The following UGT1A10 variants were observed in gnomAD, a reference collection of about 807,000 sequenced individuals.
UGT1A10 encodes the protein UDP-glucuronosyltransferase 1A10.
In UGT1A10, 49 loss-of-function variants were observed where a neutral mutation model predicts 45.8. The observed-to-expected ratio is 1.07, with a 90% CI of 0.85 to 1.36. UGT1A10 has a LOEUF of 1.36. Among genes scored for constraint, UGT1A10 ranks in the 40% most tolerant of loss-of-function variants. UGT1A10 has a pLI of 0.00. For synonymous variants in UGT1A10, 284 were observed against 249.7 expected, an observed-to-expected ratio of 1.14 and a Z score of -1.29; for missense variants, 745 against 668.6, an observed-to-expected ratio of 1.11 and a Z score of -1.26.
At chr2:233,680,009 C>G (rs1575424951) in intron 1 of UGT1A10, among the ~76,000 whole-genome samples, 1 of 152,172 alleles carries the variant, frequency 6.6e-6, no homozygotes, top group East Asian at 1.9e-4. Flanking sequence ...TCTTTTCTTT[C>G]TTTCTCTCTC....
At chr2:233,746,748 A>G in intron 1 of UGT1A10, among the ~76,000 whole-genome samples, 1 of 151,864 alleles carries the variant, frequency 6.6e-6, no homozygotes. Flanking sequence ...GTTCCAAAGC[A>G]GAGATTAATT....
In UGT1A10 at chr2:233,769,168, C is replaced by T. The variant is rs1699803234; in HGVS notation, c.1295+729C>T. Among the ~76,000 whole-genome samples the T allele has an allele frequency of 6.6e-6, 1 of 152,082 alleles. No individual in the cohort carries two copies. Among genetic ancestry groups the T allele is most frequent in the Non-Finnish European group, 1.5e-5 (1 of 68,026 alleles). The stretch of plus-strand genomic sequence containing the variant: ...ACTGGAACCTGTGAGAAATTTTGTC[C>T]ATGGAGTTTATGAATGAAGGAGCTA... On this transcript the variant is annotated intron_variant, in intron 4 of 4. Coordinates refer to ENST00000344644, the MANE Select transcript of UGT1A10 (RefSeq NM_019075.4). The surrounding 1 kb of genome is among the most constrained non-coding windows in gnomAD (Gnocchi z 4.4).
Position 233,724,420 on chromosome 2 carries a change from G to C in UGT1A10, c.856-42614G>C, listed in dbSNP as rs1396792043. Among the ~76,000 whole-genome samples the C allele has an allele frequency of 2.2e-5, 3 of 135,560 alleles. 1 individual carries two copies. The highest frequency in any genetic ancestry group is 8.5e-5 in the African/African-American group (3 of 35,170). 88.9% of individuals were successfully genotyped at this position (135,560 alleles called of 152,430 possible). The stretch of plus-strand genomic sequence containing the variant: ...TTCCCAGATGGGGTGGCTGCCGGGC[G>C]GAGAGGCTCCTCACTTCTCAGACAG... On this transcript the variant is annotated intron_variant, in intron 1 of 4. Transcript: ENST00000344644.
At chr2:233,661,076 A>AT (rs1426201751) in intron 1 of UGT1A10, among the ~76,000 whole-genome samples, 1 of 152,074 alleles carries the variant, frequency 6.6e-6, no homozygotes, top group Admixed American at 6.6e-5. Context: ...TAAAAGCTGC[A>AT]TTTTTTATAA....
At chr2:233,733,813 G>T (rs2078440329) in intron 1 of UGT1A10, among the ~76,000 whole-genome samples, 1 of 152,202 alleles carries the variant, frequency 6.6e-6, no homozygotes, top group East Asian at 1.9e-4. Context: ...GATGATGCTG[G>T]CCTCATAAAA....
intron 1 of UGT1A10, chr2:233,718,709 A>G (rs1203435699): frequency 2.2e-5 from 36 of 1,605,634 alleles, no homozygotes; most frequent in Non-Finnish European, 2.1e-5. Context: ...TTGTCTTCCA[A>G]TTACATGCTG....
At chr2:233,690,077 A>T (rs2074974121) in intron 1 of UGT1A10, among the ~76,000 whole-genome samples, 1 of 152,214 alleles carries the variant, frequency 6.6e-6, no homozygotes, top group Non-Finnish European at 1.5e-5. Flanking sequence ...ACAGCCTATC[A>T]AATAGATTAA....
chr2:233,671,847 G>C, intron 1 of UGT1A10: 1 of 1,494,272 alleles, frequency 6.7e-7, no homozygotes, highest in East Asian at 2.3e-5. Context: ...CCCTCTATTG[G>C]GGTCAGGTTT....
At chr2:233,647,122 T>C (rs1400211922) in intron 1 of UGT1A10, among the ~76,000 whole-genome samples, 1 of 152,142 alleles carries the variant, frequency 6.6e-6, no homozygotes. Flanking sequence ...CCACCAGATC[T>C]CGTGAGACTT....
At chr2:233,747,710 A>G (rs1208548533) in intron 1 of UGT1A10, 3 of 1,612,980 alleles carry the variant, frequency 1.9e-6, no homozygotes, top group Non-Finnish European at 1.7e-6. Flanking sequence ...AGTACCTATC[A>G]ATTCCTGCTG....
chr2:233,745,050 TTTATTTGTA>T (rs1253240051), intron 1 of UGT1A10, among the ~76,000 whole-genome samples: 6 of 151,926 alleles, frequency 3.9e-5, no homozygotes, highest in South Asian at 2.1e-4. Context: ...GTATTGGTTT[TTTATTTGTA>T]TTATTTGTAT....
intron 1 of UGT1A10, among the ~76,000 whole-genome samples, chr2:233,736,718 T>C (rs1407462438): frequency 1.3e-5 from 2 of 152,092 alleles, no homozygotes; most frequent in East Asian, 3.9e-4. Flanking sequence ...ATGTCCTTTT[T>C]GTTGATGTTT....
At chr2:233,647,189 C>T (rs1358389041) in intron 1 of UGT1A10, among the ~76,000 whole-genome samples, 3 of 152,188 alleles carry the variant, frequency 2.0e-5, no homozygotes, top group Non-Finnish European at 4.4e-5. Flanking sequence ...CAATTATCTC[C>T]CTCCAGGTTC....
chr2:233,747,923 G>A (rs1349241680), intron 1 of UGT1A10: 2 of 1,613,414 alleles, frequency 1.2e-6, no homozygotes, highest in Non-Finnish European at 1.7e-6. Flanking sequence ...TTGCCTCTGA[G>A]CTTTTTCAGA....
At chr2:233,764,490 G>A (rs1698574986) in intron 1 of UGT1A10, among the ~76,000 whole-genome samples, 2 of 152,164 alleles carry the variant, frequency 1.3e-5, no homozygotes, top group South Asian at 4.1e-4. Flanking sequence ...AATGTTTATG[G>A]ACCTGTGGGT....
intron 1 of UGT1A10, chr2:233,690,776 T>TAC (rs34459843): frequency 0.012 from 13,190 of 1,061,660 alleles, 127 homozygotes; most frequent in African/African-American, 0.074. Context: ...CACACACACA[T>TAC]ACACACACAC....
At chr2:233,690,961 G>C in intron 1 of UGT1A10, 1 of 1,007,322 alleles carries the variant, frequency 9.9e-7, no homozygotes, top group Non-Finnish European at 1.2e-6. Context: ...AGGGACTTCT[G>C]GGACTAAGAA....
rs1217808254 is a variant in UGT1A10 at position 233,763,370 on chromosome 2, A to G, written c.856-3664A>G. On this transcript the variant is annotated intron_variant, in intron 1 of 4. Coordinates refer to ENST00000344644, the MANE Select transcript of UGT1A10 (RefSeq NM_019075.4). ...ACATCTTTAGTACTCCTTTGTCTTC[A>G]AGCTTTCTTCCTTTTTAAACAACAT... is the stretch of plus-strand genomic sequence containing the variant. Among the ~76,000 whole-genome samples the G allele has an allele frequency of 3.3e-5, 5 of 152,290 alleles. No homozygotes were observed. The East Asian group carries it at 9.6e-4, about 29-fold the overall frequency.
chr2:233,755,783 C>G (rs142854795), intron 1 of UGT1A10: 1,687 of 152,656 alleles, frequency 0.011, 25 homozygotes, highest in Non-Finnish European at 0.017. Flanking sequence ...TTATGCCTAT[C>G]ATATGTACTG....
Sources: allele counts gnomAD v4.1 joint callset (sites outside exome capture counted in the v4.1 genomes callset), GRCh38; gene constraint gnomAD v4.1.1; non-coding constraint Gnocchi (gnomAD v3.1); transcripts MANE v1.5; gene names NCBI Gene and HGNC (gene_info 2026-07-23, HGNC 2026-07-21).